Variants in JARID2 observed in about 807,000 individuals in gnomAD.
The protein encoded by JARID2 is protein Jumonji.
Under a neutral mutation model 125.6 loss-of-function variants are expected in JARID2, and 21 were observed. The observed-to-expected ratio is 0.17, with a 90% CI of 0.12 to 0.24. The LOEUF is 0.24. Among genes scored for constraint, JARID2 ranks in the 10% least tolerant of loss-of-function variants. The probability of loss-of-function intolerance (pLI) is 1.00; values close to 1 mark genes in which losing one functional copy is unlikely to be tolerated. For missense variants in JARID2, 1,303 were observed against 1,639.6 expected, an observed-to-expected ratio of 0.79 and a Z score of 3.55; for synonymous variants, 736 against 661.6, an observed-to-expected ratio of 1.11 and a Z score of -1.73.
At chr6:15,407,807 TTGTC>T (rs1765712864) in intron 2 of JARID2, among the ~76,000 whole-genome samples, 1 of 152,218 alleles carries the variant, frequency 6.6e-6, no homozygotes, top group African/African-American at 2.4e-5. Context: ...ATGTCTGTGT[TTGTC>T]TGTCTCTCCT....
intron 2 of JARID2, among the ~76,000 whole-genome samples, chr6:15,403,614 T>C (rs2127558719): frequency 6.6e-6 from 1 of 152,320 alleles, no homozygotes; most frequent in South Asian, 2.1e-4. Flanking sequence ...ACATTTTCCT[T>C]ATCTACCCAG....
intron 12 of JARID2, among the ~76,000 whole-genome samples, chr6:15,510,664 C>A (rs557454564): frequency 6.6e-6 from 1 of 152,180 alleles, no homozygotes; most frequent in Non-Finnish European, 1.5e-5. Context: ...GGTCCTAACA[C>A]GTAAAACTCT....
At chr6:15,428,685 C>T (rs1457497976) in intron 3 of JARID2, among the ~76,000 whole-genome samples, 1 of 152,136 alleles carries the variant, frequency 6.6e-6, no homozygotes, top group Non-Finnish European at 1.5e-5. Context: ...ACTGGCGAAT[C>T]ACCTGAGGTC....
chr6:15,497,132 A>C lies in JARID2; in HGVS notation c.1907A>C (p.Lys636Thr). ...QRLACIKKHL[K>T]SQGITMDELP... ...CTGGCCTGCATCAAGAAGCACCTCA[A>C]ATCTCAGGGCATCACCATGGACGAG... The change falls in exon 7 of 18, where the codon AAA becomes ACA. Residue 636 changes from lysine to threonine, a missense_variant. Physicochemically the swap from Lys to Thr is moderately conservative, Grantham distance 78 (BLOSUM62 -1). Transcript: ENST00000341776. 6.4e-7 allele frequency: 1 copy of C among 1,558,686 alleles called. No individual in the cohort carries two copies. The highest frequency in any genetic ancestry group is 8.7e-7 in the Non-Finnish European group (1 of 1,151,572).
At chr6:15,478,494 G>A (rs1769458528) in intron 5 of JARID2, among the ~76,000 whole-genome samples, 2 of 151,418 alleles carry the variant, frequency 1.3e-5, no homozygotes, top group South Asian at 2.1e-4. Context: ...ATAGTCAATT[G>A]TGTCAATGGG....
chr6:15,436,401 G>A (rs1767204719), intron 3 of JARID2, among the ~76,000 whole-genome samples: 1 of 152,234 alleles, frequency 6.6e-6, no homozygotes, highest in Non-Finnish European at 1.5e-5. Flanking sequence ...TCCACAACCA[G>A]CCGCTTGTGT....
At chr6:15,296,550 C>G (rs1761422587) in intron 1 of JARID2, among the ~76,000 whole-genome samples, 1 of 152,128 alleles carries the variant, frequency 6.6e-6, no homozygotes, top group Admixed American at 6.5e-5. Flanking sequence ...ATCATCCTCC[C>G]CGCAACACAT....
chr6:15,424,839 A>G (rs1369476331), intron 3 of JARID2, among the ~76,000 whole-genome samples: 1 of 152,228 alleles, frequency 6.6e-6, no homozygotes, highest in African/African-American at 2.4e-5. Context: ...AGCCTGGGCA[A>G]CAAGAGCAAA....
rs56268949 is a variant in JARID2, at chr6:15,486,806, C to CTTTTTTTTTTTTTTTTTTTTT, written c.671-483_671-482insTTTTTTTTTTTTTTTTTTTTT. Among the ~76,000 whole-genome samples the CTTTTTTTTTTTTTTTTTTTTT allele has an allele frequency of 5.1e-4, 51 of 100,518 alleles. 7 individuals are homozygous for CTTTTTTTTTTTTTTTTTTTTT. The highest frequency in any genetic ancestry group is 2.0e-3 in the African/African-American group (41 of 20,912). The allele number at this position is 100,518 out of a possible 152,430, so 65.9% of individuals were successfully genotyped here. ...CATCTCTTTTAAATCTGAGAATAGA[C>CTTTTTTTTTTTTTTTTTTTTT]TTTTTTTTTTTTTTTTTTGAGACAG... On this transcript the variant is annotated intron_variant, in intron 5 of 17. Transcript: ENST00000341776.
chr6:15,519,945 TGTTG>T (rs1039440359), intron 17 of JARID2, 120 bp from the exon 18 acceptor site: 6 of 621,926 alleles, frequency 9.6e-6, no homozygotes, highest in Admixed American at 3.7e-5. Flanking sequence ...TTTTAAAACC[TGTTG>T]GTTGGTGTGG....
rs1197302229 is a variant in JARID2, at chr6:15,512,858, C to T, written c.3136-57C>T. On this transcript the variant is annotated intron_variant, in intron 14 of 17. Coordinates refer to ENST00000341776, the MANE Select transcript of JARID2 (RefSeq NM_004973.4). The stretch of plus-strand genomic sequence containing the variant: ...GCCTGCCCCCTCCACCAAGAAGAAC[C>T]TTGACAGCTGCCTAGTAATGAAAAT... 6 of 1,561,292 alleles carry T rather than the reference C, an allele frequency of 3.8e-6. No homozygotes were observed. In the African/African-American group the frequency reaches 8.3e-5, roughly 21 times the overall value.
At chr6:15,443,384 GA>G (rs1355424794) in intron 3 of JARID2, among the ~76,000 whole-genome samples, 69 of 152,306 alleles carry the variant, frequency 4.5e-4, no homozygotes, top group African/African-American at 1.4e-3. Context: ...GCAGATTACA[GA>G]TTGTATTGCT....
intron 3 of JARID2, among the ~76,000 whole-genome samples, chr6:15,422,979 C>A (rs532848179): frequency 6.8e-6 from 1 of 147,464 alleles, no homozygotes; most frequent in East Asian, 2.0e-4. Context: ...ACAGGTGTAG[C>A]CTAGTCTTTT....
chr6:15,396,470 A>AT (rs1262635419), intron 2 of JARID2, among the ~76,000 whole-genome samples: 4 of 152,190 alleles, frequency 2.6e-5, no homozygotes, highest in Admixed American at 6.5e-5. Context: ...ATAAGTCAGT[A>AT]TTTTTTAATT....
intron 5 of JARID2, among the ~76,000 whole-genome samples, chr6:15,469,381 C>T (rs1768949345): frequency 1.9e-5 from 1 of 54,002 alleles, no homozygotes; most frequent in East Asian, 8.3e-4. Context: ...TCCCCCTCTC[C>T]CCCTCTCCCC....
intron 1 of JARID2, among the ~76,000 whole-genome samples, chr6:15,338,410 C>T (rs946863784): frequency 8.5e-5 from 13 of 152,320 alleles, no homozygotes; most frequent in African/African-American, 2.9e-4. Flanking sequence ...AGCCAAATTA[C>T]GATTTACAGA....
chr6:15,406,419 C>T (rs762306698), intron 2 of JARID2, among the ~76,000 whole-genome samples: 5 of 152,160 alleles, frequency 3.3e-5, no homozygotes, highest in Non-Finnish European at 5.9e-5. Flanking sequence ...CATGACAGAG[C>T]GAGACTCTGT....
At chr6:15,334,482 C>T (rs1174080298) in intron 1 of JARID2, among the ~76,000 whole-genome samples, 2 of 152,154 alleles carry the variant, frequency 1.3e-5, no homozygotes, top group Non-Finnish European at 2.9e-5. Context: ...TCATTCCCTG[C>T]CACTACTTTT....
chr6:15,412,396 C>T (rs1010307581), intron 3 of JARID2, among the ~76,000 whole-genome samples: 10 of 152,140 alleles, frequency 6.6e-5, no homozygotes, highest in African/African-American at 2.4e-4. Context: ...GCAATCTTTG[C>T]CTCTTGGGTT....
Sources: gnomAD v4.1 joint callset for allele counts (sites outside exome capture counted in the v4.1 genomes callset) on GRCh38, gnomAD v4.1.1 for gene constraint, MANE v1.5 for transcripts, NCBI Gene and HGNC (gene_info 2026-07-23, HGNC 2026-07-21) for gene names.